Variants in SH3PXD2B observed in about 807,000 individuals in gnomAD.
SH3PXD2B encodes the protein SH3 and PX domains 2B.
Under a neutral mutation model 73.1 loss-of-function variants are expected in SH3PXD2B, and 37 were observed. That is an observed-to-expected ratio of 0.51 (90% CI 0.39 to 0.67). The LOEUF is 0.67. SH3PXD2B is among the 30% of genes least tolerant of loss of function. SH3PXD2B has a pLI of 0.00. For missense variants in SH3PXD2B, 1,053 were observed against 1,197.8 expected (o/e 0.88, Z 1.78); for synonymous variants, 457 against 480.5 (o/e 0.95, Z 0.64).
intron 9 of SH3PXD2B, among the ~76,000 whole-genome samples, chr5:172,352,930 G>C (rs1348700829): frequency 6.6e-6 from 1 of 152,054 alleles, no homozygotes; most frequent in African/African-American, 2.4e-5. Flanking sequence ...TTTAGGTTCT[G>C]AGATCTCCCT....
At chr5:172,354,063 G>A (rs191284060) in intron 8 of SH3PXD2B, 58 bp from the exon 9 acceptor site, 59 of 1,486,538 alleles carry the variant, frequency 4.0e-5, no homozygotes, top group Middle Eastern at 3.5e-4. Context: ...TTGGGATGCC[G>A]TAATCCCCGT....
rs1461269348 is a variant in SH3PXD2B, at chr5:172,335,178, G to A, written c.*3191C>T. The A allele has an allele frequency of 2.0e-5, 20 of 995,104 alleles. No individual in the cohort carries two copies. The highest frequency in any genetic ancestry group is 5.1e-4 in the Middle Eastern group (1 of 1,972). The allele number at this position is 995,104 out of a possible 1,614,324, so 61.6% of individuals were successfully genotyped here. ...TTTTTGGAGGTACCGCAAGCTGTCC[G>A]TTTGCCCTGGGATGTAAGGTAAAGT... On this transcript the variant is annotated 3_prime_UTR_variant, in exon 13 of 13. Transcript: ENST00000311601.
chr5:172,328,096 C>T (rs539359074), intron 12 of SH3PXD2B, among the ~76,000 whole-genome samples: 65 of 143,584 alleles, frequency 4.5e-4, no homozygotes, highest in African/African-American at 1.3e-3. Flanking sequence ...CATGGGATCT[C>T]GCTACGTTGC....
At chr5:172,349,899 G>A (rs1288390800) in intron 10 of SH3PXD2B, among the ~76,000 whole-genome samples, 1 of 152,080 alleles carries the variant, frequency 6.6e-6, no homozygotes, top group East Asian at 1.9e-4. Context: ...GCCCAGGCTG[G>A]AGCGCGAGTG....
At chr5:172,444,410 T>C (rs576643578) in intron 1 of SH3PXD2B, among the ~76,000 whole-genome samples, 3 of 152,332 alleles carry the variant, frequency 2.0e-5, no homozygotes, top group East Asian at 3.9e-4. Flanking sequence ...GGTCTGTTTC[T>C]GTCACATGCA....
intron 11 of SH3PXD2B, among the ~76,000 whole-genome samples, chr5:172,347,000 C>T (rs1561895331): frequency 6.6e-6 from 1 of 152,172 alleles, no homozygotes. Context: ...CCTGAGAAGA[C>T]TGATCTAAGA....
At chr5:172,436,117 T>G (rs1759380454) in intron 1 of SH3PXD2B, among the ~76,000 whole-genome samples, 1 of 152,210 alleles carries the variant, frequency 6.6e-6, no homozygotes, top group Non-Finnish European at 1.5e-5. Flanking sequence ...AGTGTCTGAA[T>G]TTCCTTGCAG....
At chr5:172,415,026 C>T (rs1283099883) in intron 2 of SH3PXD2B, among the ~76,000 whole-genome samples, 6 of 152,192 alleles carry the variant, frequency 3.9e-5, no homozygotes, top group Non-Finnish European at 8.8e-5. Flanking sequence ...GAGGGAGGTC[C>T]CTCTGTGAAC....
At position 172,353,148 on chromosome 5, in the gene SH3PXD2B, C is replaced by A. The variant is rs184448400; in HGVS notation, c.785+740G>T. On this transcript the variant is annotated intron_variant, in intron 9 of 12. Transcript: ENST00000311601. This position sits in a 1 kb window ranked among gnomAD's most constrained non-coding sequence, Gnocchi z 4.3. Reference sequence around the variant, plus strand: ...GGGCCCAACAGAGATTCTTGGTGTGCGTTTGTTGAATGAATGAATGAATGC... The same window carrying A: ...GGGCCCAACAGAGATTCTTGGTGTGAGTTTGTTGAATGAATGAATGAATGC... 6.6e-6 allele frequency among the ~76,000 whole-genome samples: 1 copy of A among 152,156 alleles called. No individual in the cohort carries two copies. The highest frequency in any genetic ancestry group is 2.4e-5 in the African/African-American group (1 of 41,420).
intron 2 of SH3PXD2B, among the ~76,000 whole-genome samples, chr5:172,417,233 T>A (rs1561931708): frequency 6.6e-6 from 1 of 152,236 alleles, no homozygotes; most frequent in Non-Finnish European, 1.5e-5. Context: ...AGTCCCCAGG[T>A]TGGTCCCGAA....
In SH3PXD2B at chr5:172,336,276, C is replaced by T; in HGVS notation, c.*2093G>A. On this transcript the variant is annotated 3_prime_UTR_variant, in exon 13 of 13. Coordinates refer to ENST00000311601, the MANE Select transcript of SH3PXD2B (RefSeq NM_001017995.3). ...AAAAGTTGTTTAAACCAAAGTGGAT[C>T]AAGAACTCAGGAAAACTGCCATGGG... is the stretch of plus-strand genomic sequence containing the variant. The T allele has an allele frequency of 1.0e-6, 1 of 985,508 alleles. No homozygotes were observed. The highest frequency in any genetic ancestry group is 1.7e-5 in the African/African-American group (1 of 57,382). The allele number at this position is 985,508 out of a possible 1,614,324, so 61.0% of individuals were successfully genotyped here.
rs1243057853 is a variant in SH3PXD2B, at chr5:172,339,744, G to A, written c.1361C>T (p.Ala454Val). ...VTQLRLGEAA[A>V]LENNTGSEAT... The stretch of plus-strand genomic sequence containing the variant: ...TTCGCTGCCCGTGTTGTTCTCCAGC[G>A]CTGCTGCTTCCCCCAGCCGGAGCTG... The change falls in exon 13 of 13, where the codon GCG (alanine) becomes GTG (valine). Residue 454 changes from alanine to valine, a missense_variant. Physicochemically the swap from Ala to Val is moderately conservative, Grantham distance 64. Transcript: ENST00000311601. This position sits in a 1 kb window ranked among gnomAD's most constrained non-coding sequence, Gnocchi z 6.1. 9 of 1,613,478 alleles carry A rather than the reference G, an allele frequency of 5.6e-6. No homozygotes were observed. Among genetic ancestry groups the A allele is most frequent in the African/African-American group, 4.0e-5 (3 of 74,948 alleles).
At chr5:172,368,651 A>ACATATATATATTATATATATATAT (rs1561908508) in intron 6 of SH3PXD2B, among the ~76,000 whole-genome samples, 1 of 22,522 alleles carries the variant, frequency 4.4e-5, no homozygotes, top group Non-Finnish European at 6.1e-5. Context: ...TATATATATA[A>ACATATATATATTATATATATATAT]AATATATATA....
At chr5:172,439,693 C>T (rs1217676796) in intron 1 of SH3PXD2B, among the ~76,000 whole-genome samples, 21 of 28,350 alleles carry the variant, frequency 7.4e-4, no homozygotes, top group African/African-American at 5.1e-3. Context: ...CACGCGCGCG[C>T]ACACACACAC....
chr5:172,354,011 G>C lies in SH3PXD2B; in HGVS notation c.668-6C>G. ...GATGACTGTGTACTTCTCCTCTGTG[G>C]GGACAAAAGGAAGCTGGGGTCAGAA... is the stretch of plus-strand genomic sequence containing the variant. On this transcript the variant is annotated splice_polypyrimidine_tract_variant and splice_region_variant and intron_variant, in intron 8 of 12. Coordinates refer to ENST00000311601, the MANE Select transcript of SH3PXD2B (RefSeq NM_001017995.3). The C allele has an allele frequency of 6.2e-7, 1 of 1,613,240 alleles. No homozygotes were observed. Among genetic ancestry groups the C allele is most frequent in the Non-Finnish European group, 8.5e-7 (1 of 1,179,234 alleles).
intron 2 of SH3PXD2B, among the ~76,000 whole-genome samples, chr5:172,410,859 G>C (rs1163398020): frequency 6.6e-6 from 1 of 152,220 alleles, no homozygotes; most frequent in African/African-American, 2.4e-5. Context: ...CCTTGTCACA[G>C]ATGAGGTAAC....
intron 8 of SH3PXD2B, among the ~76,000 whole-genome samples, chr5:172,356,239 G>A (rs915673456): frequency 6.6e-5 from 10 of 152,160 alleles, no homozygotes; most frequent in African/African-American, 2.4e-4. Context: ...TGAGAGAATG[G>A]TGCCAACAAG....
intron 3 of SH3PXD2B, among the ~76,000 whole-genome samples, chr5:172,403,975 G>A (rs1758492170): frequency 6.6e-6 from 1 of 152,232 alleles, no homozygotes; most frequent in Non-Finnish European, 1.5e-5. Flanking sequence ...TCACAGGCTA[G>A]TCTGTTTGAC....
At chr5:172,364,900 G>A (rs1163031766) in intron 6 of SH3PXD2B, among the ~76,000 whole-genome samples, 1 of 152,164 alleles carries the variant, frequency 6.6e-6, no homozygotes, top group Non-Finnish European at 1.5e-5. Context: ...AAGCATCCAC[G>A]AGCACACCAC....
Sources: allele counts gnomAD v4.1 joint callset (sites outside exome capture counted in the v4.1 genomes callset), GRCh38; gene constraint gnomAD v4.1.1; non-coding constraint Gnocchi (gnomAD v3.1); transcripts MANE v1.5; gene names NCBI Gene and HGNC (gene_info 2026-07-23, HGNC 2026-07-21).